Variants in TBC1D15 observed in about 807,000 individuals in gnomAD.
The protein encoded by TBC1D15 is GAP for RAB7.
A neutral mutation model predicts 95.4 loss-of-function variants in TBC1D15; 39 were observed. The ratio of observed to expected loss-of-function variants is 0.41; its 90% CI spans 0.32 to 0.53. The LOEUF is 0.53. Among genes scored for constraint, TBC1D15 ranks in the 20% least tolerant of loss-of-function variants. The pLI, the probability that TBC1D15 is intolerant of heterozygous loss-of-function variation, is 0.29. For synonymous variants in TBC1D15, 258 were observed against 261.3 expected, an observed-to-expected ratio of 0.99 and a Z score of 0.12; for missense variants, 733 against 794.3, an observed-to-expected ratio of 0.92 and a Z score of 0.93.
At chr12:71,891,249 GACAGGCTCAC>G (rs1897156739) in intron 5 of TBC1D15, among the ~76,000 whole-genome samples, 1 of 152,100 alleles carries the variant, frequency 6.6e-6, no homozygotes, top group Non-Finnish European at 1.5e-5. Context: ...AGGTCTTTGG[GACAGGCTCAC>G]ACCAAAGCCT....
chr12:71,852,848 G>A (rs767960389), intron 1 of TBC1D15, among the ~76,000 whole-genome samples: 6 of 152,134 alleles, frequency 3.9e-5, no homozygotes, highest in Non-Finnish European at 5.9e-5. Context: ...GGTCACAACC[G>A]TTCAACCAGT....
At chr12:71,909,919 AC>A (rs1384071522) in intron 11 of TBC1D15, among the ~76,000 whole-genome samples, 2 of 152,172 alleles carry the variant, frequency 1.3e-5, no homozygotes, top group African/African-American at 4.8e-5. Context: ...CATTAATTCC[AC>A]CCCCTACAAC....
At chr12:71,920,687 T>C (rs1868951367) in intron 14 of TBC1D15, 44 bp from the exon 15 acceptor site, 1 of 1,381,152 alleles carries the variant, frequency 7.2e-7, no homozygotes, top group Non-Finnish European at 1.0e-6. Context: ...GAAAATGTTT[T>C]AGAATTGATA....
intron 1 of TBC1D15, chr12:71,854,844 T>C (rs1592701037): frequency 2.2e-6 from 1 of 456,670 alleles, no homozygotes; most frequent in African/African-American, 2.0e-5. Flanking sequence ...TTCCCTTTCT[T>C]TTTCTCAAGG....
intron 5 of TBC1D15, 72 bp from the exon 6 acceptor site, chr12:71,893,150 T>G: frequency 6.9e-6 from 5 of 721,308 alleles, no homozygotes; most frequent in South Asian, 5.5e-5. Context: ...GGAACATTTG[T>G]GTTAGTAATT....
At chr12:71,867,979 T>G (rs1273747230) in intron 1 of TBC1D15, among the ~76,000 whole-genome samples, 1 of 152,208 alleles carries the variant, frequency 6.6e-6, no homozygotes, top group Non-Finnish European at 1.5e-5. Context: ...TGCCCTTAAG[T>G]CTTATAAAAT....
chr12:71,893,579 A>T (rs1897607702), intron 6 of TBC1D15, among the ~76,000 whole-genome samples: 1 of 151,894 alleles, frequency 6.6e-6, no homozygotes, highest in Admixed American at 6.6e-5. Flanking sequence ...GTTTATTATA[A>T]TACTAAAATT....
At chr12:71,909,095 T>C (rs1333561361) in intron 11 of TBC1D15, among the ~76,000 whole-genome samples, 2 of 152,232 alleles carry the variant, frequency 1.3e-5, no homozygotes, top group South Asian at 2.1e-4. Context: ...TCTTAGGACA[T>C]TGTCCCAAAC....
At chr12:71,902,412 A>G (rs149340890) in intron 10 of TBC1D15, among the ~76,000 whole-genome samples, 1 of 152,222 alleles carries the variant, frequency 6.6e-6, no homozygotes, top group Non-Finnish European at 1.5e-5. Flanking sequence ...TAGAGAACCC[A>G]AAAATAAAGC....
At chr12:71,917,580 AT>A (rs2139068101) in intron 12 of TBC1D15, 117 bp from the exon 13 acceptor site, 1 of 565,160 alleles carries the variant, frequency 1.8e-6, no homozygotes, top group African/African-American at 1.9e-5. Context: ...ATTTTTTAAG[AT>A]TACCAGTGTG....
At chr12:71,869,677 A>C (rs754498460) in intron 1 of TBC1D15, among the ~76,000 whole-genome samples, 8 of 152,226 alleles carry the variant, frequency 5.3e-5, no homozygotes, top group Non-Finnish European at 1.2e-4. Context: ...AATGTACAAC[A>C]TGCAGACTAA....
chr12:71,880,372 T>A, intron 3 of TBC1D15, 97 bp from the exon 4 acceptor site: 1 of 1,029,992 alleles, frequency 9.7e-7, no homozygotes, highest in East Asian at 2.7e-5. Flanking sequence ...AGTGATGTCG[T>A]CTGCAGCCTG....
At position 71,893,182 on chromosome 12, in the gene TBC1D15, G is replaced by T. The variant is rs201560618; in HGVS notation, c.555-40G>T. 2.8e-5 allele frequency: 34 copies of T among 1,197,134 alleles called. No individual in the cohort carries two copies. In the African/African-American group the frequency reaches 3.0e-4, roughly 11 times the overall value. 74.2% of individuals were successfully genotyped at this position (1,197,134 alleles called of 1,614,324 possible). On this transcript the variant is annotated intron_variant, in intron 5 of 16. Transcript: ENST00000485960. Reference sequence around the variant, plus strand: ...AATTGTTCATGTAGTAATTGATACAGTGTGTTAGTATTTTCTACAAATCCT... The same window carrying T: ...AATTGTTCATGTAGTAATTGATACATTGTGTTAGTATTTTCTACAAATCCT...
chr12:71,870,900 T>C (rs545949840), intron 1 of TBC1D15, among the ~76,000 whole-genome samples: 18 of 152,172 alleles, frequency 1.2e-4, no homozygotes, highest in Non-Finnish European at 2.4e-4. Context: ...GAAGGAGTGA[T>C]AGACTCTGAT....
chr12:71,889,628 A>T (rs1375697128), intron 5 of TBC1D15, among the ~76,000 whole-genome samples: 1 of 152,120 alleles, frequency 6.6e-6, no homozygotes, highest in African/African-American at 2.4e-5. Flanking sequence ...CCACTGTCAG[A>T]TTCTTTTTTG....
At chr12:71,903,630 A>G (rs1899970365) in intron 10 of TBC1D15, among the ~76,000 whole-genome samples, 1 of 152,228 alleles carries the variant, frequency 6.6e-6, no homozygotes, top group African/African-American at 2.4e-5. Context: ...GATGCCCATC[A>G]GTGGTGGACT....
intron 1 of TBC1D15, among the ~76,000 whole-genome samples, chr12:71,849,032 A>G (rs141503675): frequency 0.012 from 1,763 of 152,296 alleles, 12 homozygotes; most frequent in Non-Finnish European, 0.019. Flanking sequence ...TCTTTAACTC[A>G]GAATTCTGGA....
chr12:71,897,207 A>G (rs1313967401), intron 9 of TBC1D15: 1 of 154,310 alleles, frequency 6.5e-6, no homozygotes, highest in Non-Finnish European at 1.4e-5. Flanking sequence ...CTTATAATGG[A>G]TCCTTCATTC....
chr12:71,870,620 G>A lies in TBC1D15; in HGVS notation c.31-1450G>A, dbSNP rs369152347. Among the ~76,000 whole-genome samples the A allele has an allele frequency of 5.3e-5, 8 of 152,170 alleles. No homozygotes were observed. In the East Asian group the frequency reaches 1.2e-3, roughly 22 times the overall value. ...CCTTTATAATGTAGTGGCTAAGAGC[G>A]CAGTTTTCTGTTGTCAGACTCCTTG... On this transcript the variant is annotated intron_variant, in intron 1 of 16. Coordinates refer to ENST00000485960, the MANE Select transcript of TBC1D15 (RefSeq NM_001146213.3).
Sources: allele counts gnomAD v4.1 joint callset (sites outside exome capture counted in the v4.1 genomes callset), GRCh38; gene constraint gnomAD v4.1.1; transcripts MANE v1.5; gene names NCBI Gene and HGNC (gene_info 2026-07-23, HGNC 2026-07-21).